ELAVL2: variants seen among roughly 807,000 people sequenced by gnomAD.
ELAVL2 encodes ELAV-like protein 2.
In ELAVL2, 4 loss-of-function variants were observed where a neutral mutation model predicts 34.6. The observed-to-expected ratio is 0.12, with a 90% CI of 0.06 to 0.26. The LOEUF is 0.26. Ranked by LOEUF, ELAVL2 falls within the 10% of genes least tolerant of loss-of-function variation. The pLI is 1.00. For missense variants in ELAVL2, 432 were observed against 442.8 expected, an observed-to-expected ratio of 0.98 and a Z score of 0.22; for synonymous variants, 193 against 154.8, an observed-to-expected ratio of 1.25 and a Z score of -1.83.
chr9:23,733,924 A>T (rs1472257909), intron 2 of ELAVL2, among the ~76,000 whole-genome samples: 8 of 152,182 alleles, frequency 5.3e-5, no homozygotes, highest in African/African-American at 1.9e-4. Flanking sequence ...AGTCAGTCAA[A>T]TATCTAGTAT....
chr9:23,832,747 T>G, the ELAVL2 span, among the ~76,000 whole-genome samples: 3 of 152,182 alleles, frequency 2.0e-5, no homozygotes. Flanking sequence ...CAATTTTTAT[T>G]TTGTTTAACT....
Position 23,692,768 on chromosome 9 carries a change from C to T in ELAVL2, c.869G>A (p.Ser290Asn). ...AGGCCCAAACATTTGCCACAGGATA[C>T]TCTCATCTGCGTCAGGAGCCAGGTT... ...VYNLAPDADE[S>N]ILWQMFGPFG... Residue 290 changes from serine (S) to asparagine (N), a missense_variant, in exon 7 of 7, where the codon AGT (serine) becomes AAT (asparagine). Transcript: ENST00000397312. 1.9e-6 allele frequency: 3 copies of T among 1,614,192 alleles called. No homozygotes were observed. Among genetic ancestry groups the T allele is most frequent in the Non-Finnish European group, 2.5e-6 (3 of 1,180,018 alleles).
In ELAVL2 at chr9:23,762,135, T is replaced by G. The variant is rs996615141; in HGVS notation, c.100A>C (p.Thr34Pro). The G allele has an allele frequency of 3.7e-6, 6 of 1,613,650 alleles. No homozygotes were observed. The African/African-American group carries it at 8.0e-5, about 22-fold the overall frequency. ...ATTAAGTTGGTCTTGCTGTCTTCTG[T>G]GTTCCCAGAGTCAACTGGTGACGAA... ...NCSSPVDSGNTEDSKTNLIVN... is the reference protein window; with the variant it reads ...NCSSPVDSGNPEDSKTNLIVN... The change falls in exon 2 of 7, where the codon ACA becomes CCA. Residue 34 changes from threonine (T) to proline (P), a missense_variant. Around this residue, in one of 3 missense-constraint regions of ELAVL2, gnomAD observed 132 missense variants for 118.3 expected, o/e 1.12. Transcript: ENST00000397312.
chr9:23,779,588 G>C (rs982473545), intron 1 of ELAVL2, among the ~76,000 whole-genome samples: 1 of 151,976 alleles, frequency 6.6e-6, no homozygotes, highest in African/African-American at 2.4e-5. Flanking sequence ...AGGTGCATTT[G>C]ACAATATCAG....
chr9:23,803,357 T>TA (rs1207117920), intron 1 of ELAVL2, among the ~76,000 whole-genome samples: 2 of 152,230 alleles, frequency 1.3e-5, no homozygotes, highest in Non-Finnish European at 2.9e-5. Flanking sequence ...GTTGCATACT[T>TA]ACACTGGTTT....
intron 1 of ELAVL2, among the ~76,000 whole-genome samples, chr9:23,782,353 G>GGTGAAA (rs1246043148): frequency 6.6e-6 from 1 of 151,958 alleles, no homozygotes. Flanking sequence ...TGGCCAACAT[G>GGTGAAA]GTGAAACCCC....
At chr9:23,742,353 T>G (rs949313380) in intron 2 of ELAVL2, among the ~76,000 whole-genome samples, 3 of 152,222 alleles carry the variant, frequency 2.0e-5, no homozygotes, top group African/African-American at 7.2e-5. Flanking sequence ...GAAAAACTAC[T>G]GCAAGTGTTA....
intron 2 of ELAVL2, among the ~76,000 whole-genome samples, chr9:23,752,582 A>G (rs941025485): frequency 2.6e-5 from 4 of 151,980 alleles, no homozygotes; most frequent in African/African-American, 9.7e-5. Context: ...AGCCTCCTGA[A>G]GAGCTGGGAT....
chr9:23,800,400 T>C (rs969316051), intron 1 of ELAVL2, among the ~76,000 whole-genome samples: 2 of 152,202 alleles, frequency 1.3e-5, no homozygotes, highest in African/African-American at 2.4e-5. Flanking sequence ...GGGATGGTAG[T>C]GCCCAAGAGC....
intron 1 of ELAVL2, among the ~76,000 whole-genome samples, chr9:23,819,776 C>G (rs1429026153): frequency 6.6e-6 from 1 of 152,166 alleles, no homozygotes; most frequent in East Asian, 1.9e-4. Flanking sequence ...GGAGGAATCA[C>G]AGAAAATTTA....
intron 2 of ELAVL2, among the ~76,000 whole-genome samples, chr9:23,734,196 T>G (rs753026311): frequency 1.3e-5 from 2 of 152,238 alleles, no homozygotes; most frequent in Admixed American, 6.5e-5. Flanking sequence ...TTTAAATTAC[T>G]TTACAGTGAA....
chr9:23,785,513 A>C (rs2136994053), intron 1 of ELAVL2, among the ~76,000 whole-genome samples: 1 of 152,352 alleles, frequency 6.6e-6, no homozygotes, highest in African/African-American at 2.4e-5. Context: ...TTAATCAGAT[A>C]TCTCCCAAAT....
chr9:23,708,822 G>C (rs933205261), intron 3 of ELAVL2, among the ~76,000 whole-genome samples: 2 of 151,798 alleles, frequency 1.3e-5, no homozygotes, highest in African/African-American at 4.8e-5. Context: ...GTATTTTTTA[G>C]AGACAGGGTT....
At chr9:23,753,985 C>T (rs552008147) in intron 2 of ELAVL2, among the ~76,000 whole-genome samples, 6 of 152,148 alleles carry the variant, frequency 3.9e-5, no homozygotes, top group African/African-American at 1.4e-4. Context: ...AAGGCAAATA[C>T]GGCTATTCTA....
At chr9:23,711,475 C>CT (rs1245373838) in intron 3 of ELAVL2, among the ~76,000 whole-genome samples, 2 of 152,154 alleles carry the variant, frequency 1.3e-5, no homozygotes, top group African/African-American at 4.8e-5. Flanking sequence ...AGAGCACTGG[C>CT]TACCTCTTCC....
rs545631879 is a variant in ELAVL2 at position 23,812,828 on chromosome 9, G to A, written c.-16+12978C>T. ...GCCAACATTAAGCTATTATTCTGAA[G>A]GGTTTTGCTAAGATGTTCAATACAG... On this transcript the variant is annotated intron_variant, in intron 1 of 6. Transcript: ENST00000397312. 8.5e-5 allele frequency among the ~76,000 whole-genome samples: 13 copies of A among 152,050 alleles called. No homozygotes were observed. In the South Asian group the frequency reaches 2.7e-3, roughly 32 times the overall value.
At chr9:23,781,886 G>C (rs1470253356) in intron 1 of ELAVL2, among the ~76,000 whole-genome samples, 1 of 152,012 alleles carries the variant, frequency 6.6e-6, no homozygotes, top group African/African-American at 2.4e-5. Context: ...GGGTTTCAGC[G>C]TGTTAGTCAG....
chr9:23,703,307 A>G (rs185288220), intron 4 of ELAVL2, among the ~76,000 whole-genome samples: 54 of 152,332 alleles, frequency 3.5e-4, no homozygotes, highest in African/African-American at 1.3e-3. Flanking sequence ...AATAAAAAAT[A>G]TTTTTGTTGC....
the ELAVL2 span, among the ~76,000 whole-genome samples, chr9:23,834,065 C>G: frequency 3.3e-5 from 5 of 151,708 alleles, no homozygotes; most frequent in African/African-American, 1.2e-4. Context: ...CTAGCATGTG[C>G]CAGAATAACA....
Sources: allele counts gnomAD v4.1 joint callset (sites outside exome capture counted in the v4.1 genomes callset), GRCh38; gene constraint gnomAD v4.1.1; regional missense constraint gnomAD v4.1.1; transcripts MANE v1.5; gene names NCBI Gene and HGNC (gene_info 2026-07-23, HGNC 2026-07-21).